The following RBFOX1 variants were observed in gnomAD, a reference collection of about 807,000 sequenced individuals.
RBFOX1 encodes the protein RNA binding protein fox-1 homolog 1.
RBFOX1 carries 8 observed loss-of-function variants against 57.7 expected under a neutral mutation model. The observed-to-expected ratio is 0.14, with a 90% CI of 0.08 to 0.25. The LOEUF (loss-of-function observed/expected upper bound fraction) is 0.25. RBFOX1 is among the 10% of genes least tolerant of loss of function. RBFOX1 has a pLI of 1.00. For missense variants in RBFOX1, 611 were observed against 548.5 expected, an observed-to-expected ratio of 1.11 and a Z score of -1.14; for synonymous variants, 326 against 222.4, an observed-to-expected ratio of 1.47 and a Z score of -4.15.
chr16:5,774,098 G>A (rs1204748120), intron 3 of RBFOX1, among the ~76,000 whole-genome samples: 1 of 152,122 alleles, frequency 6.6e-6, no homozygotes, highest in Non-Finnish European at 1.5e-5. Context: ...GTAGTTTCAT[G>A]GTTTACAAAG....
intron 2 of RBFOX1, among the ~76,000 whole-genome samples, chr16:6,575,111 G>A (rs1212744800): frequency 2.6e-5 from 4 of 151,524 alleles, no homozygotes; most frequent in Non-Finnish European, 5.9e-5. Context: ...ATGGCCTGGG[G>A]TCTCCCCGCA....
intron 1 of RBFOX1, among the ~76,000 whole-genome samples, chr16:6,100,985 A>T (rs1450775771): frequency 1.3e-5 from 2 of 152,120 alleles, no homozygotes; most frequent in African/African-American, 4.8e-5. Flanking sequence ...TCAGCCTCCT[A>T]TTCTAAAGGT....
intron 2 of RBFOX1, among the ~76,000 whole-genome samples, chr16:5,598,453 C>T (rs965825361): frequency 2.0e-5 from 3 of 152,006 alleles, no homozygotes; most frequent in African/African-American, 4.8e-5. Context: ...TAAAAAGAAA[C>T]GGATGAGATT....
intron 3 of RBFOX1, among the ~76,000 whole-genome samples, chr16:6,776,535 C>A (rs1246591309): frequency 6.6e-6 from 1 of 152,112 alleles, no homozygotes; most frequent in Non-Finnish European, 1.5e-5. Context: ...GCTAGAATTA[C>A]AGAGCTTGAT....
At chr16:7,100,404 G>T (rs983071703) in intron 4 of RBFOX1, among the ~76,000 whole-genome samples, 3 of 151,986 alleles carry the variant, frequency 2.0e-5, no homozygotes, top group South Asian at 2.1e-4. Context: ...CATTTTTGAC[G>T]TATTTCCTCC....
chr16:5,773,060 G>T (rs574759250), intron 3 of RBFOX1, among the ~76,000 whole-genome samples: 5 of 152,094 alleles, frequency 3.3e-5, no homozygotes, highest in African/African-American at 1.2e-4. Flanking sequence ...GCAGGACACC[G>T]TTGGGACTTT....
intron 3 of RBFOX1, among the ~76,000 whole-genome samples, chr16:5,774,243 TGACA>T (rs949700492): frequency 3.3e-5 from 5 of 152,170 alleles, no homozygotes; most frequent in African/African-American, 4.8e-5. Flanking sequence ...ATTACCTTAC[TGACA>T]GACAGACAGA....
intron 3 of RBFOX1, among the ~76,000 whole-genome samples, chr16:6,793,028 G>GA (rs71145295): frequency 0.35 from 47,888 of 136,162 alleles, 8,433 homozygotes; most frequent in East Asian, 0.43. Context: ...GACTCCATCT[G>GA]AAAAAAAAAA....
intron 3 of RBFOX1, among the ~76,000 whole-genome samples, chr16:6,700,940 T>A (rs1280217248): frequency 2.0e-5 from 3 of 152,164 alleles, no homozygotes; most frequent in African/African-American, 7.2e-5. Context: ...TGTTCGAGGT[T>A]GGGTTCACAG....
chr16:7,215,320 A>G (rs960713893), intron 4 of RBFOX1, among the ~76,000 whole-genome samples: 1 of 152,236 alleles, frequency 6.6e-6, no homozygotes, highest in African/African-American at 2.4e-5. Context: ...ATTACTGGGT[A>G]TATACTCAAA....
At chr16:7,349,895 C>G (rs955780313) in intron 4 of RBFOX1, among the ~76,000 whole-genome samples, 3 of 152,078 alleles carry the variant, frequency 2.0e-5, no homozygotes, top group African/African-American at 7.2e-5. Context: ...GCTTGTAATC[C>G]CAACACTTTG....
chr16:5,873,825 C>G (rs1436500258), intron 4 of RBFOX1, among the ~76,000 whole-genome samples: 1 of 152,050 alleles, frequency 6.6e-6, no homozygotes, highest in Non-Finnish European at 1.5e-5. Flanking sequence ...TTTATAGAGG[C>G]TTCTCAGAGG....
At chr16:6,964,702 G>C (rs536479173) in intron 3 of RBFOX1, among the ~76,000 whole-genome samples, 31 of 152,088 alleles carry the variant, frequency 2.0e-4, no homozygotes, top group Non-Finnish European at 3.7e-4. Context: ...TATCACAAAG[G>C]GTGTCTCTGA....
intron 4 of RBFOX1, among the ~76,000 whole-genome samples, chr16:7,108,127 G>T (rs936586652): frequency 6.6e-6 from 1 of 152,092 alleles, no homozygotes; most frequent in Admixed American, 6.6e-5. Flanking sequence ...CAGCTAATTA[G>T]CATAAAACAA....
intron 3 of RBFOX1, among the ~76,000 whole-genome samples, chr16:5,656,454 T>A (rs950391160): frequency 6.6e-6 from 1 of 152,218 alleles, no homozygotes; most frequent in Non-Finnish European, 1.5e-5. Context: ...TACTAAGGTG[T>A]GATTAATATA....
chr16:6,342,732 C>T (rs978769839), intron 2 of RBFOX1, among the ~76,000 whole-genome samples: 1 of 152,074 alleles, frequency 6.6e-6, no homozygotes, highest in Non-Finnish European at 1.5e-5. Context: ...TTTGATAAAT[C>T]TCTTCGGTGC....
At position 7,045,099 on chromosome 16, in the gene RBFOX1, C is replaced by G. The variant is rs530438917; in HGVS notation, c.-15-6958C>G. 7.1e-4 allele frequency among the ~76,000 whole-genome samples: 108 copies of G among 152,156 alleles called. 1 individual carries two copies. Among genetic ancestry groups the G allele is most frequent in the African/African-American group, 2.5e-3 (102 of 41,504 alleles). On this transcript the variant is annotated intron_variant, in intron 3 of 15. Coordinates refer to ENST00000550418, the MANE Select transcript of RBFOX1 (RefSeq NM_018723.4). ...AAGCATGGATCTGCATTCGATGATC[C>G]CTACTTAAAGGAGGGGAGGTCACTG...
chr16:7,419,635 C>G (rs552221433), intron 4 of RBFOX1, among the ~76,000 whole-genome samples: 2 of 152,226 alleles, frequency 1.3e-5, no homozygotes, highest in African/African-American at 4.8e-5. Flanking sequence ...TCTCCGCAGC[C>G]CTCAGGGACA....
intron 3 of RBFOX1, among the ~76,000 whole-genome samples, chr16:5,682,716 C>T (rs2050378330): frequency 6.6e-6 from 1 of 152,208 alleles, no homozygotes; most frequent in Non-Finnish European, 1.5e-5. Context: ...AGTCTAACAA[C>T]ACTATGTTGA....
Sources: gnomAD v4.1 joint callset for allele counts (sites outside exome capture counted in the v4.1 genomes callset) on GRCh38, gnomAD v4.1.1 for gene constraint, MANE v1.5 for transcripts, NCBI Gene and HGNC (gene_info 2026-07-23, HGNC 2026-07-21) for gene names.